KLB: variants seen among roughly 807,000 people sequenced by gnomAD.
The protein encoded by KLB is klotho beta.
A neutral mutation model predicts 88.4 loss-of-function variants in KLB; 44 were observed. The ratio of observed to expected loss-of-function variants is 0.50; its 90% CI spans 0.39 to 0.64. KLB has a LOEUF of 0.64. Among genes scored for constraint, KLB ranks in the 30% least tolerant of loss-of-function variants. The pLI is 0.00. For missense variants in KLB, 1,137 were observed against 1,304.8 expected (o/e 0.87, Z 1.98); for synonymous variants, 548 against 513.4 (o/e 1.07, Z -0.91).
chr4:39,451,253 G>T lies in KLB; in HGVS notation c.*2567G>T, dbSNP rs1357679780. The T allele has an allele frequency of 6.6e-6, 1 of 152,120 alleles. No homozygotes were observed. The highest frequency in any genetic ancestry group is 1.5e-5 in the Non-Finnish European group (1 of 68,040). 9.4% of individuals were successfully genotyped at this position (152,120 alleles called of 1,614,324 possible). A position where few individuals can be genotyped will look rare whatever the true frequency, so the allele number is the denominator to read the frequency against. ...CATGCTCTATCATACTAAATATTCA[G>T]GTTTATCATAAACTCCTTAAAAACC... On this transcript the variant is annotated 3_prime_UTR_variant, in exon 5 of 5. Coordinates refer to ENST00000257408, the MANE Select transcript of KLB (RefSeq NM_175737.4).
Position 39,446,458 on chromosome 4 carries a change from G to C in KLB, c.1732G>C (p.Asp578His), listed in dbSNP as rs750723696. 6.2e-7 allele frequency: 1 copy of C among 1,614,216 alleles called. No homozygotes were observed. The highest frequency in any genetic ancestry group is 1.1e-5 in the South Asian group (1 of 91,086). Residue 578 changes from aspartate (D) to histidine (H), a missense_variant, in exon 4 of 5, where the codon GAT becomes CAT. Physicochemically the swap from Asp to His is moderately conservative, Grantham distance 81. Coordinates refer to ENST00000257408, the MANE Select transcript of KLB (RefSeq NM_175737.4). The surrounding 1 kb of genome is among the most constrained non-coding windows in gnomAD (Gnocchi z 6.4). ...GAAAACACGACCCGCTCAATGCACA[G>C]ATTTTGTAAACATCAAAAAACAACT... ...RLKTRPAQCT[D>H]FVNIKKQLEM...
intron 3 of KLB, among the ~76,000 whole-genome samples, chr4:39,442,893 A>G (rs1420371121): frequency 6.6e-5 from 10 of 152,126 alleles, no homozygotes; most frequent in African/African-American, 2.2e-4. Flanking sequence ...TCCATATTCA[A>G]TTTTTTTAAT....
At chr4:39,421,966 G>T (rs1028367616) in intron 1 of KLB, among the ~76,000 whole-genome samples, 1 of 152,002 alleles carries the variant, frequency 6.6e-6, no homozygotes, top group Non-Finnish European at 1.5e-5. Flanking sequence ...GGCTGATCTC[G>T]AACTCCTGAC....
At chr4:39,430,546 T>G (rs1446998967) in intron 1 of KLB, among the ~76,000 whole-genome samples, 1 of 151,356 alleles carries the variant, frequency 6.6e-6, no homozygotes, top group African/African-American at 2.4e-5. Context: ...AATCTCAGGT[T>G]GGAGACAAGG....
rs769919733 is a variant in KLB, at chr4:39,437,843, A to G, written c.1453A>G (p.Ser485Gly). The stretch of plus-strand genomic sequence containing the variant: ...AGGATTATTTTATGTGGATTTTAAC[A>G]GTAAACAGAAAGAGCGGAAACCTAA... The part of the protein sequence containing the change: ...RRGLFYVDFN[S>G]KQKERKPKSS... The change falls in exon 3 of 5, where the codon AGT becomes GGT. Residue 485 changes from serine (S) to glycine (G), a missense_variant. Coordinates refer to ENST00000257408, the MANE Select transcript of KLB (RefSeq NM_175737.4). 1.2e-6 allele frequency: 2 copies of G among 1,614,242 alleles called. No homozygotes were observed. Among genetic ancestry groups the G allele is most frequent in the South Asian group, 2.2e-5 (2 of 91,092 alleles).
chr4:39,408,761 C>T (rs1051775115), intron 1 of KLB, among the ~76,000 whole-genome samples: 1 of 151,858 alleles, frequency 6.6e-6, no homozygotes, highest in Non-Finnish European at 1.5e-5. Flanking sequence ...GAGATTTAGC[C>T]TCACATTGAG....
intron 1 of KLB, among the ~76,000 whole-genome samples, chr4:39,432,746 C>T: frequency 6.6e-6 from 1 of 152,072 alleles, no homozygotes; most frequent in East Asian, 1.9e-4. Flanking sequence ...TAAGAGAGCT[C>T]AACTGGAAAT....
intron 1 of KLB, among the ~76,000 whole-genome samples, chr4:39,414,641 T>C (rs778931214): frequency 3.3e-5 from 5 of 151,750 alleles, no homozygotes; most frequent in Non-Finnish European, 7.4e-5. Context: ...GAGGCCAAGG[T>C]GGGCACATCA....
At chr4:39,442,137 A>T (rs1055173782) in intron 3 of KLB, among the ~76,000 whole-genome samples, 1 of 151,922 alleles carries the variant, frequency 6.6e-6, no homozygotes, top group Non-Finnish European at 1.5e-5. Flanking sequence ...CCATCTACTC[A>T]GGAGGCTGAG....
chr4:39,424,909 G>A (rs996293392), intron 1 of KLB, among the ~76,000 whole-genome samples: 2 of 152,034 alleles, frequency 1.3e-5, no homozygotes, highest in African/African-American at 4.8e-5. Flanking sequence ...GATTACAGGT[G>A]AGAGCTACTG....
intron 1 of KLB, among the ~76,000 whole-genome samples, chr4:39,418,933 G>T (rs1743018973): frequency 7.6e-6 from 1 of 130,910 alleles, no homozygotes; most frequent in African/African-American, 2.8e-5. Flanking sequence ...GGATGTCAAA[G>T]ATGCCATCTC....
In KLB at chr4:39,448,800, C is replaced by A; in HGVS notation, c.*114C>A. 4.0e-6 allele frequency: 4 copies of A among 1,005,584 alleles called. No homozygotes were observed. Among genetic ancestry groups the A allele is most frequent in the Non-Finnish European group, 5.8e-6 (4 of 687,534 alleles). The allele number at this position is 1,005,584 out of a possible 1,614,324, so 62.3% of individuals were successfully genotyped here. A position where few individuals can be genotyped will look rare whatever the true frequency, so the allele number is the denominator to read the frequency against. ...AGACAATCTGAGATACAGCTGTAAC[C>A]AAGGTGATGACAATTGTCTCTGCTG... On this transcript the variant is annotated 3_prime_UTR_variant, in exon 5 of 5. Coordinates refer to ENST00000257408, the MANE Select transcript of KLB (RefSeq NM_175737.4).
intron 3 of KLB, among the ~76,000 whole-genome samples, chr4:39,442,787 C>T (rs1298471942): frequency 6.6e-6 from 1 of 152,180 alleles, no homozygotes; most frequent in South Asian, 2.1e-4. Flanking sequence ...TTACACTCCA[C>T]CCCAAAATAT....
At chr4:39,438,771 G>GTTA (rs1037235320) in intron 3 of KLB, among the ~76,000 whole-genome samples, 2 of 152,108 alleles carry the variant, frequency 1.3e-5, no homozygotes, top group African/African-American at 4.8e-5. Flanking sequence ...CCTTTTAGTT[G>GTTA]TTATTATTAT....
At position 39,446,712 on chromosome 4, in the gene KLB, G is replaced by A; in HGVS notation, c.1986G>A (p.Leu662=). ...CTCTGTTGCATGCCGACGGGTGGCT[G>A]AACCCATCGACGGCCGAGGCCTTCC... ...PEPLLHADGW[L]NPSTAEAFQA... The change falls in exon 4 of 5, where the codon CTG becomes CTA. Residue 662 remains leucine (L), a synonymous_variant. Transcript: ENST00000257408. The surrounding 1 kb of genome is among the most constrained non-coding windows in gnomAD (Gnocchi z 6.4). 1 of 1,608,724 alleles carries A rather than the reference G, an allele frequency of 6.2e-7. No homozygotes were observed. The highest frequency in any genetic ancestry group is 2.2e-5 in the East Asian group (1 of 44,764).
At position 39,447,482 on chromosome 4, in the gene KLB, G is replaced by C. The variant is rs1359312086; in HGVS notation, c.2749+7G>C. On this transcript the variant is annotated splice_region_variant and intron_variant, in intron 4 of 4. Transcript: ENST00000257408. ...CTTCAGGAGGTGCTGAAAGGTAAGG[G>C]CGGGGCCCCTTCAGACACAGGGCAG... 1 of 1,551,006 alleles carries C rather than the reference G, an allele frequency of 6.4e-7. No individual in the cohort carries two copies. The highest frequency in any genetic ancestry group is 8.7e-7 in the Non-Finnish European group (1 of 1,149,010).
At chr4:39,407,806 CAGAAA>C in intron 1 of KLB, 32 bp downstream of exon 1, 1 of 1,227,150 alleles carries the variant, frequency 8.1e-7, no homozygotes. Context: ...CTTATAGCTT[CAGAAA>C]ACACTAAGAA....
chr4:39,410,266 A>G (rs911738071), intron 1 of KLB, among the ~76,000 whole-genome samples: 1 of 152,216 alleles, frequency 6.6e-6, no homozygotes, highest in African/African-American at 2.4e-5. Flanking sequence ...GCTTCCAAAC[A>G]TAGTTGATAA....
Position 39,446,624 on chromosome 4 carries a change from T to G in KLB, c.1898T>G (p.Leu633Arg). The change falls in exon 4 of 5, where the codon CTT becomes CGT. Residue 633 changes from leucine to arginine, a missense_variant. Transcript: ENST00000257408. This position sits in a 1 kb window ranked among gnomAD's most constrained non-coding sequence, Gnocchi z 6.4. ...TGCGTGGTCAGTGAGGGGCTGAAGCTTGGCATCTCCGCGATGGTCACCCTG... is the reference window on the plus strand; with the variant it reads ...TGCGTGGTCAGTGAGGGGCTGAAGCGTGGCATCTCCGCGATGGTCACCCTG... ...YRCVVSEGLK[L>R]GISAMVTLYY... is the part of the protein sequence containing the mutation. 1 of 1,613,914 alleles carries G rather than the reference T, an allele frequency of 6.2e-7. No homozygotes were observed. Among genetic ancestry groups the G allele is most frequent in the Non-Finnish European group, 8.5e-7 (1 of 1,179,820 alleles).
Sources: allele counts gnomAD v4.1 joint callset (sites outside exome capture counted in the v4.1 genomes callset), GRCh38; gene constraint gnomAD v4.1.1; non-coding constraint Gnocchi (gnomAD v3.1); transcripts MANE v1.5; gene names NCBI Gene and HGNC (gene_info 2026-07-23, HGNC 2026-07-21).